SUCLG2: variants seen among roughly 807,000 people sequenced by gnomAD.
SUCLG2 encodes the protein succinate-CoA ligase GDP-forming subunit beta, also known as succinate--CoA ligase [GDP-forming] subunit beta, mitochondrial.
In SUCLG2, 42 loss-of-function variants were observed where a neutral mutation model predicts 47.9. The observed-to-expected ratio is 0.88, with a 90% CI of 0.69 to 1.14. The LOEUF is 1.14. SUCLG2 is among the 50% of genes most tolerant of loss of function. The probability of loss-of-function intolerance (pLI) is 0.00; values close to 1 mark genes in which losing one functional copy is unlikely to be tolerated. For missense variants in SUCLG2, 571 were observed against 525.9 expected (o/e 1.09, Z -0.84); for synonymous variants, 195 against 197.3 (o/e 0.99, Z 0.10).
intron 2 of SUCLG2, among the ~76,000 whole-genome samples, chr3:67,572,253 A>T (rs1252916235): frequency 6.6e-6 from 1 of 152,200 alleles, no homozygotes; most frequent in Non-Finnish European, 1.5e-5. Context: ...AACAGGAGTA[A>T]CTTTTCCCTC....
intron 7 of SUCLG2, among the ~76,000 whole-genome samples, chr3:67,505,434 A>G (rs1189457312): frequency 6.6e-6 from 1 of 152,182 alleles, no homozygotes; most frequent in Non-Finnish European, 1.5e-5. Flanking sequence ...GTAGTGTCAA[A>G]TTATATTTTT....
chr3:67,556,422 G>A (rs923953258), intron 2 of SUCLG2, among the ~76,000 whole-genome samples: 7 of 152,160 alleles, frequency 4.6e-5, no homozygotes, highest in Non-Finnish European at 5.9e-5. Flanking sequence ...AAATGCTAAC[G>A]GTTGAGGAAT....
In SUCLG2 at chr3:67,482,996, G is replaced by A. The variant is rs1704957040; in HGVS notation, c.1062+12802C>T. On this transcript the variant is annotated intron_variant, in intron 9 of 10. Coordinates refer to ENST00000307227, the MANE Select transcript of SUCLG2 (RefSeq NM_003848.4). ...AATTAATGAAAAAACCCACAGATAA[G>A]CTGGAAGAAAAATAATTAACTCGGA... 3.9e-5 allele frequency among the ~76,000 whole-genome samples: 6 copies of A among 152,246 alleles called. No homozygotes were observed. In the South Asian group the frequency reaches 1.2e-3, roughly 32 times the overall value.
intron 2 of SUCLG2, among the ~76,000 whole-genome samples, chr3:67,590,798 G>A (rs9856689): frequency 0.013 from 1,931 of 152,054 alleles, 46 homozygotes; most frequent in African/African-American, 0.045. Context: ...GCTTTTCACC[G>A]CCTTTTCTTT....
At chr3:67,407,151 G>T (rs1472658016) in intron 9 of SUCLG2, among the ~76,000 whole-genome samples, 1 of 152,146 alleles carries the variant, frequency 6.6e-6, no homozygotes, top group Non-Finnish European at 1.5e-5. Flanking sequence ...AATAAGCATG[G>T]TGTATTCCAA....
chr3:67,537,446 C>CA (rs1706575424), intron 2 of SUCLG2, among the ~76,000 whole-genome samples: 1 of 152,220 alleles, frequency 6.6e-6, no homozygotes, highest in Non-Finnish European at 1.5e-5. Flanking sequence ...ATATGTGCCA[C>CA]ATTTTCTTTA....
intron 1 of SUCLG2, among the ~76,000 whole-genome samples, chr3:67,624,832 T>A (rs980893111): frequency 6.6e-6 from 1 of 152,170 alleles, no homozygotes; most frequent in African/African-American, 2.4e-5. Flanking sequence ...GAATGCACGG[T>A]AGTCAAATGA....
chr3:67,381,203 TAA>T (rs369229737), intron 10 of SUCLG2, among the ~76,000 whole-genome samples: 10 of 35,292 alleles, frequency 2.8e-4, no homozygotes, highest in Non-Finnish European at 7.1e-4. Flanking sequence ...AATAAATAAA[TAA>T]AATAAAATAA....
chr3:67,443,091 T>C (rs942285925), intron 9 of SUCLG2, among the ~76,000 whole-genome samples: 1 of 152,152 alleles, frequency 6.6e-6, no homozygotes, highest in African/African-American at 2.4e-5. Flanking sequence ...ACTACTTACA[T>C]AGCAAGTACA....
chr3:67,587,702 T>C (rs553881012), intron 2 of SUCLG2, among the ~76,000 whole-genome samples: 2 of 152,322 alleles, frequency 1.3e-5, no homozygotes, highest in African/African-American at 2.4e-5. Flanking sequence ...TTTTTAATTG[T>C]ACAGTTAATA....
Position 67,607,478 on chromosome 3 carries a change from C to T in SUCLG2, c.226+1977G>A, listed in dbSNP as rs866821539. On this transcript the variant is annotated intron_variant, in intron 2 of 10. Coordinates refer to ENST00000307227, the MANE Select transcript of SUCLG2 (RefSeq NM_003848.4). Reference sequence around the variant, plus strand: ...CTGTTAGAAAACTTTAAAATACTGACGTGGCTCACATTATACTCCTACTAG... The same window carrying T: ...CTGTTAGAAAACTTTAAAATACTGATGTGGCTCACATTATACTCCTACTAG... Among the ~76,000 whole-genome samples, 8 of 151,766 alleles carry T rather than the reference C, an allele frequency of 5.3e-5. No individual in the cohort carries two copies. In the East Asian group the frequency reaches 5.8e-4, roughly 11 times the overall value.
At chr3:67,462,354 C>T (rs1452356754) in intron 9 of SUCLG2, among the ~76,000 whole-genome samples, 1 of 152,164 alleles carries the variant, frequency 6.6e-6, no homozygotes, top group Admixed American at 6.5e-5. Flanking sequence ...ACAGAGAGGC[C>T]AAGAAGCATC....
At chr3:67,365,973 T>C (rs990233051) in intron 10 of SUCLG2, among the ~76,000 whole-genome samples, 1 of 152,334 alleles carries the variant, frequency 6.6e-6, no homozygotes, top group South Asian at 2.1e-4. Flanking sequence ...GAATGAGATC[T>C]ACAAATTCAG....
intron 2 of SUCLG2, among the ~76,000 whole-genome samples, chr3:67,537,848 T>C (rs1419962070): frequency 6.6e-6 from 1 of 152,258 alleles, no homozygotes; most frequent in Non-Finnish European, 1.5e-5. Context: ...TTCATGTTTG[T>C]TGGCCACATA....
intron 10 of SUCLG2, among the ~76,000 whole-genome samples, chr3:67,392,822 C>CTTT (rs528045600): frequency 1.3e-5 from 2 of 149,862 alleles, no homozygotes; most frequent in Non-Finnish European, 1.5e-5. Context: ...AGTCACTGTA[C>CTTT]TTTTTTTTTT....
At chr3:67,460,206 C>T (rs1212762055) in intron 9 of SUCLG2, among the ~76,000 whole-genome samples, 2 of 152,088 alleles carry the variant, frequency 1.3e-5, no homozygotes, top group Non-Finnish European at 2.9e-5. Context: ...CTTATTATTT[C>T]CAGTAGTAGA....
chr3:67,381,754 A>G (rs1702162903), intron 10 of SUCLG2, among the ~76,000 whole-genome samples: 1 of 152,196 alleles, frequency 6.6e-6, no homozygotes, highest in Non-Finnish European at 1.5e-5. Flanking sequence ...AAGGGGAATG[A>G]GTTTAAAATG....
chr3:67,440,128 G>A (rs1269874409), intron 9 of SUCLG2, among the ~76,000 whole-genome samples: 1 of 152,128 alleles, frequency 6.6e-6, no homozygotes, highest in Non-Finnish European at 1.5e-5. Context: ...CAAGCAATGG[G>A]GAAAAGATTC....
intron 10 of SUCLG2, among the ~76,000 whole-genome samples, chr3:67,398,051 TA>T (rs1389349221): frequency 6.7e-6 from 1 of 150,272 alleles, no homozygotes; most frequent in Non-Finnish European, 1.5e-5. Flanking sequence ...ATGTTAGAAC[TA>T]AAACCATAAA....
Sources: allele counts gnomAD v4.1 joint callset (sites outside exome capture counted in the v4.1 genomes callset), GRCh38; gene constraint gnomAD v4.1.1; transcripts MANE v1.5; gene names NCBI Gene and HGNC (gene_info 2026-07-23, HGNC 2026-07-21).